PHF12: variants seen among roughly 807,000 people sequenced by gnomAD.
The protein encoded by PHF12 is PHD finger protein 12.
Under a neutral mutation model 99.8 loss-of-function variants are expected in PHF12, and 6 were observed. The observed-to-expected ratio is 0.06, with a 90% CI of 0.03 to 0.12. The LOEUF (loss-of-function observed/expected upper bound fraction) is 0.12. Among genes scored for constraint, PHF12 ranks in the 10% least tolerant of loss-of-function variants. The pLI is 1.00. For missense variants in PHF12, 954 were observed against 1,300.1 expected, an observed-to-expected ratio of 0.73 and a Z score of 4.09; for synonymous variants, 480 against 514.9, an observed-to-expected ratio of 0.93 and a Z score of 0.92.
intron 7 of PHF12, among the ~76,000 whole-genome samples, chr17:28,914,671 C>CAAAAAAAAAAA (rs61203588): frequency 2.6e-4 from 8 of 30,342 alleles, no homozygotes; most frequent in South Asian, 2.4e-3. Flanking sequence ...GACTCCGTCT[C>CAAAAAAAAAAA]AAAAAAAAAA....
chr17:28,918,723 G>A (rs1292846465), intron 6 of PHF12, among the ~76,000 whole-genome samples: 1 of 152,130 alleles, frequency 6.6e-6, no homozygotes, highest in Non-Finnish European at 1.5e-5. Context: ...CAAGACTCTT[G>A]GAAGAGAAAG....
chr17:28,907,180 G>A (rs986049595), intron 13 of PHF12, 186 bp from the exon 14 acceptor site: 5 of 620,200 alleles, frequency 8.1e-6, no homozygotes, highest in African/African-American at 7.4e-5. Flanking sequence ...TTTCCTTCTG[G>A]TGTCCCACAC....
At position 28,913,045 on chromosome 17, in the gene PHF12, G is replaced by C. The variant is rs1260980879; in HGVS notation, c.1526C>G (p.Ser509Cys). The C allele has an allele frequency of 4.3e-6, 7 of 1,614,084 alleles. No homozygotes were observed. Among genetic ancestry groups the C allele is most frequent in the African/African-American group, 1.3e-5 (1 of 74,914 alleles). ...TAGGGCTGGGGACTGGTGGGGTGGA[G>C]AGCAGCTCAGGGAATTCTGGGTGCT... ...GISTQNSLSC[S>C]PPHQSPALED... Residue 509 changes from serine (S) to cysteine (C), a missense_variant, in exon 9 of 15, where the codon TCT (serine) becomes TGT (cysteine). Transcript: ENST00000332830.
At chr17:28,943,561 T>C (rs1437172708) in intron 2 of PHF12, among the ~76,000 whole-genome samples, 1 of 151,798 alleles carries the variant, frequency 6.6e-6, no homozygotes, top group African/African-American at 2.4e-5. Context: ...ACCTGGGAGG[T>C]GGACGCTGCA....
chr17:28,906,773 A>AAG lies in PHF12; in HGVS notation c.2680+81_2680+82dup. 1.3e-6 allele frequency: 2 copies of AAG among 1,508,980 alleles called. No homozygotes were observed. Among genetic ancestry groups the AAG allele is most frequent in the Non-Finnish European group, 1.8e-6 (2 of 1,119,290 alleles). The allele number at this position is 1,508,980 out of a possible 1,614,324, so 93.5% of individuals were successfully genotyped here. A position where few individuals can be genotyped will look rare whatever the true frequency, so the allele number is the denominator to read the frequency against. On this transcript the variant is annotated intron_variant, in intron 14 of 14. Coordinates refer to ENST00000332830, the MANE Select transcript of PHF12 (RefSeq NM_001033561.2). This position sits in a 1 kb window ranked among gnomAD's most constrained non-coding sequence, Gnocchi z 4.2. ...GCTTGGCCAATAGGACTGGGAAGGCAAGAGACAGACCATGGGCAGCAAGTC... is the reference window on the plus strand; with the variant it reads ...GCTTGGCCAATAGGACTGGGAAGGCAAGAGAGACAGACCATGGGCAGCAAGTC...
intron 5 of PHF12, among the ~76,000 whole-genome samples, chr17:28,919,652 A>C (rs767284576): frequency 6.6e-6 from 1 of 152,196 alleles, no homozygotes; most frequent in Non-Finnish European, 1.5e-5. Flanking sequence ...AGGCAGGAGA[A>C]TTGCTTGAAC....
chr17:28,926,473 A>T (rs937984828), intron 3 of PHF12: 1 of 250,940 alleles, frequency 4.0e-6, no homozygotes, highest in Non-Finnish European at 8.0e-6. Context: ...AAGAGTTCTC[A>T]AAGTAGAAAA....
In PHF12 at chr17:28,949,091, A is replaced by T. The variant is rs1264226024; in HGVS notation, c.248+974T>A. ...TCGGTTCGGTCTCTCCCCTCCTCTC[A>T]TGTCCAGTAAGGGGGAAAAAGCGTA... On this transcript the variant is annotated intron_variant, in intron 2 of 14. Transcript: ENST00000332830. The surrounding 1 kb of genome is among the most constrained non-coding windows in gnomAD (Gnocchi z 4.6). 6.6e-6 allele frequency among the ~76,000 whole-genome samples: 1 copy of T among 151,928 alleles called. No individual in the cohort carries two copies. The highest frequency in any genetic ancestry group is 1.5e-5 in the Non-Finnish European group (1 of 67,974).
At chr17:28,940,583 G>A (rs1388091985) in intron 2 of PHF12, among the ~76,000 whole-genome samples, 1 of 152,134 alleles carries the variant, frequency 6.6e-6, no homozygotes, top group Non-Finnish European at 1.5e-5. Flanking sequence ...CTCAGCTTTT[G>A]CCTCACACAA....
Position 28,949,842 on chromosome 17 carries a change from TCCCAAC to T in PHF12, c.248+217_248+222del. Reference sequence around the variant, plus strand: ...TCCCATATGGGGTTCTCTTCACTCGTCCCAACCCCCACCTCGGGGTCCGGACCCACC... The same window carrying T: ...TCCCATATGGGGTTCTCTTCACTCGTCCCCACCTCGGGGTCCGGACCCACC... On this transcript the variant is annotated intron_variant, in intron 2 of 14. Transcript: ENST00000332830. This position sits in a 1 kb window ranked among gnomAD's most constrained non-coding sequence, Gnocchi z 4.6. The T allele has an allele frequency of 1.8e-6, 1 of 553,476 alleles. No homozygotes were observed. The highest frequency in any genetic ancestry group is 3.1e-5 in the East Asian group (1 of 31,944). 34.3% of individuals were successfully genotyped at this position (553,476 alleles called of 1,614,324 possible).
chr17:28,943,734 AC>A lies in PHF12; in HGVS notation c.248+6330del, dbSNP rs377107232. On this transcript the variant is annotated intron_variant, in intron 2 of 14. Coordinates refer to ENST00000332830, the MANE Select transcript of PHF12 (RefSeq NM_001033561.2). ...TTTACAACACCAAAAAGTAGAAACT[AC>A]CCAAGTGTCTATCAACTAATGAACT... Among the ~76,000 whole-genome samples, 88 of 152,310 alleles carry A rather than the reference AC, an allele frequency of 5.8e-4. No homozygotes were observed. The East Asian group carries it at 0.016, about 28-fold the overall frequency.
chr17:28,922,503 T>G (rs560057185), intron 4 of PHF12, among the ~76,000 whole-genome samples: 6 of 152,018 alleles, frequency 3.9e-5, no homozygotes, highest in Admixed American at 1.3e-4. Flanking sequence ...CTTTACAGTA[T>G]CAAGAAGCCA....
chr17:28,941,320 G>A (rs889287369), intron 2 of PHF12, among the ~76,000 whole-genome samples: 3 of 152,122 alleles, frequency 2.0e-5, no homozygotes, highest in African/African-American at 4.8e-5. Flanking sequence ...GAGAAAAGAT[G>A]TACCCATTTC....
intron 6 of PHF12, 134 bp downstream of exon 6, chr17:28,919,009 G>T: frequency 1.8e-6 from 2 of 1,114,866 alleles, no homozygotes; most frequent in Non-Finnish European, 2.5e-6. Flanking sequence ...GAATTGAGTA[G>T]GGTGGCCTGC....
In PHF12 at chr17:28,949,082, CCTCCT is replaced by C. The variant is rs2040763813; in HGVS notation, c.248+978_248+982del. ...CCCTCCCTCTCGGTTCGGTCTCTCCCCTCCTCTCATGTCCAGTAAGGGGGAAAAAG... is the reference window on the plus strand; with the variant it reads ...CCCTCCCTCTCGGTTCGGTCTCTCCCCTCATGTCCAGTAAGGGGGAAAAAG... On this transcript the variant is annotated intron_variant, in intron 2 of 14. Coordinates refer to ENST00000332830, the MANE Select transcript of PHF12 (RefSeq NM_001033561.2). The surrounding 1 kb of genome is among the most constrained non-coding windows in gnomAD (Gnocchi z 4.6). 2.0e-5 allele frequency among the ~76,000 whole-genome samples: 3 copies of C among 152,288 alleles called. No individual in the cohort carries two copies. The highest frequency in any genetic ancestry group is 7.2e-5 in the African/African-American group (3 of 41,556).
At position 28,907,024 on chromosome 17, in the gene PHF12, T is replaced by C. The variant is rs955421472; in HGVS notation, c.2542-30A>G. On this transcript the variant is annotated intron_variant, in intron 13 of 14. Coordinates refer to ENST00000332830, the MANE Select transcript of PHF12 (RefSeq NM_001033561.2). ...GGAGGAGGAGGGGAGATAAGATGTG[T>C]GGTCTGCTGTGTGGGGCCTGGGGCT... 6 of 1,582,512 alleles carry C rather than the reference T, an allele frequency of 3.8e-6. No homozygotes were observed. The African/African-American group carries it at 6.8e-5, about 18-fold the overall frequency.
chr17:28,949,953 G>A lies in PHF12; in HGVS notation c.248+112C>T. On this transcript the variant is annotated intron_variant, in intron 2 of 14. Transcript: ENST00000332830. This position sits in a 1 kb window ranked among gnomAD's most constrained non-coding sequence, Gnocchi z 4.6. Reference sequence around the variant, plus strand: ...GTGCTCGCCCCGGCAGCTGCAGAAAGTCAGCTAGCGGCTGCAAGCGCCCGT... The same window carrying A: ...GTGCTCGCCCCGGCAGCTGCAGAAAATCAGCTAGCGGCTGCAAGCGCCCGT... The A allele has an allele frequency of 7.8e-7, 1 of 1,276,712 alleles. No individual in the cohort carries two copies. Among genetic ancestry groups the A allele is most frequent in the South Asian group, 1.5e-5 (1 of 68,528 alleles). The allele number at this position is 1,276,712 out of a possible 1,614,324, so 79.1% of individuals were successfully genotyped here. A position where few individuals can be genotyped will look rare whatever the true frequency, so the allele number is the denominator to read the frequency against.
intron 2 of PHF12, among the ~76,000 whole-genome samples, chr17:28,942,962 C>G (rs1336277941): frequency 6.6e-6 from 1 of 151,916 alleles, no homozygotes; most frequent in Non-Finnish European, 1.5e-5. Context: ...ACTCTCATAA[C>G]TCAATTAAAA....
intron 2 of PHF12, chr17:28,930,040 T>G (rs1203101434): frequency 6.6e-6 from 1 of 152,208 alleles, no homozygotes; most frequent in African/African-American, 2.4e-5. Context: ...CATCAAACAT[T>G]TAAAACATTT....
Sources: allele counts gnomAD v4.1 joint callset (sites outside exome capture counted in the v4.1 genomes callset), GRCh38; gene constraint gnomAD v4.1.1; non-coding constraint Gnocchi (gnomAD v3.1); transcripts MANE v1.5; gene names NCBI Gene and HGNC (gene_info 2026-07-23, HGNC 2026-07-21).